The following MALRD1 variants were observed in gnomAD, a reference collection of about 807,000 sequenced individuals.
MALRD1 encodes the protein MAM and LDL receptor class A domain containing 1, also known as MAM and LDL-receptor class A domain-containing protein 1.
MALRD1 carries 247 observed loss-of-function variants against 242.1 expected under a neutral mutation model. That is an observed-to-expected ratio of 1.02 (90% confidence interval 0.92 to 1.13). The LOEUF (loss-of-function observed/expected upper bound fraction) is 1.13, where lower values mean the gene tolerates loss of function less well. MALRD1 is among the 50% of genes most tolerant of loss of function. The pLI, the probability that MALRD1 is intolerant of heterozygous loss-of-function variation, is 0.00. For synonymous variants in MALRD1, 995 were observed against 866.6 expected, an observed-to-expected ratio of 1.15 and a Z score of -2.60; for missense variants, 2,989 against 2,533.1, an observed-to-expected ratio of 1.18 and a Z score of -3.86.
intron 18 of MALRD1, among the ~76,000 whole-genome samples, chr10:19,239,129 G>T (rs1262161230): frequency 2.0e-5 from 3 of 151,614 alleles, no homozygotes; most frequent in African/African-American, 7.3e-5. Context: ...TGCAGTCGGG[G>T]CTCACGGCAA....
At chr10:19,413,647 T>A (rs1833375765) in intron 28 of MALRD1, among the ~76,000 whole-genome samples, 1 of 152,156 alleles carries the variant, frequency 6.6e-6, no homozygotes, top group Admixed American at 6.5e-5. Flanking sequence ...CTCTAGTTTC[T>A]CCTTGTTTTT....
At chr10:19,641,704 A>C (rs1202143343) in intron 36 of MALRD1, among the ~76,000 whole-genome samples, 3 of 152,186 alleles carry the variant, frequency 2.0e-5, no homozygotes, top group African/African-American at 7.2e-5. Flanking sequence ...TTTATAATAT[A>C]ATGTGAGCTT....
At chr10:19,358,195 AGTGT>A (rs776862926) in intron 26 of MALRD1, among the ~76,000 whole-genome samples, 90 of 145,678 alleles carry the variant, frequency 6.2e-4, no homozygotes, top group African/African-American at 1.5e-3. Flanking sequence ...GCAGGAGTCA[AGTGT>A]GTGTGTGTGT....
At chr10:19,672,606 T>C (rs1402380184) in intron 36 of MALRD1, among the ~76,000 whole-genome samples, 1 of 151,852 alleles carries the variant, frequency 6.6e-6, no homozygotes, top group African/African-American at 2.4e-5. Context: ...GTATTTTTAG[T>C]AGAGAAGGGG....
At chr10:19,373,328 C>A (rs1845470484) in intron 26 of MALRD1, among the ~76,000 whole-genome samples, 2 of 151,638 alleles carry the variant, frequency 1.3e-5, no homozygotes, top group Admixed American at 1.3e-4. Context: ...TGGTGAAACC[C>A]CGTCTCTACT....
At position 19,539,870 on chromosome 10, in the gene MALRD1, G is replaced by T. The variant is rs1482997093; in HGVS notation, c.5478+8519G>T. On this transcript the variant is annotated intron_variant, in intron 32 of 39. Transcript: ENST00000454679. Reference sequence around the variant, plus strand: ...CCCAGCTTTGTGCGTGTGTGTGTGTGTGTGTGTGTGTGTGTGTGTGTGTGT... The same window carrying T: ...CCCAGCTTTGTGCGTGTGTGTGTGTTTGTGTGTGTGTGTGTGTGTGTGTGT... Among the ~76,000 whole-genome samples, 318 of 77,238 alleles carry T rather than the reference G, an allele frequency of 4.1e-3. 6 individuals are homozygous for T. The highest frequency in any genetic ancestry group is 0.016 in the African/African-American group (302 of 19,478). 50.7% of individuals were successfully genotyped at this position (77,238 alleles called of 152,430 possible). A position where few individuals can be genotyped will look rare whatever the true frequency, so the allele number is the denominator to read the frequency against.
chr10:19,440,640 A>T, intron 28 of MALRD1, among the ~76,000 whole-genome samples: 1 of 152,112 alleles, frequency 6.6e-6, no homozygotes, highest in Non-Finnish European at 1.5e-5. Flanking sequence ...GATGGTTTCC[A>T]GCTTCATCCA....
intron 19 of MALRD1, among the ~76,000 whole-genome samples, chr10:19,279,087 G>A (rs530387151): frequency 5.0e-4 from 76 of 152,226 alleles, no homozygotes; most frequent in African/African-American, 1.5e-3. Context: ...TTGGCCAGTC[G>A]TCCATGCACA....
chr10:19,449,117 G>T (rs1283361177), intron 28 of MALRD1, among the ~76,000 whole-genome samples: 1 of 152,168 alleles, frequency 6.6e-6, no homozygotes, highest in Admixed American at 6.5e-5. Context: ...AATAATTTGT[G>T]TAAATGCAAG....
intron 12 of MALRD1, among the ~76,000 whole-genome samples, chr10:19,157,000 T>G (rs982023784): frequency 1.3e-5 from 2 of 152,174 alleles, no homozygotes; most frequent in African/African-American, 2.4e-5. Flanking sequence ...TTTGAAAAAC[T>G]GAGACTGTTT....
At chr10:19,204,227 G>A (rs1427566659) in intron 15 of MALRD1, 81 bp from the exon 16 acceptor site, 12 of 877,740 alleles carry the variant, frequency 1.4e-5, no homozygotes, top group African/African-American at 1.7e-5. Context: ...ATCTTGCTCA[G>A]TGTAGGGTTA....
intron 2 of MALRD1, among the ~76,000 whole-genome samples, chr10:19,085,411 T>A (rs10508574): frequency 6.6e-6 from 1 of 151,726 alleles, no homozygotes; most frequent in African/African-American, 2.4e-5. Flanking sequence ...AAAAAAATTG[T>A]GATTGTCACT....
chr10:19,486,232 G>A (rs1485298290), intron 29 of MALRD1, among the ~76,000 whole-genome samples: 2 of 152,098 alleles, frequency 1.3e-5, no homozygotes, highest in African/African-American at 4.8e-5. Flanking sequence ...ACCAAAAGAC[G>A]TAGTTTCTCC....
chr10:19,607,978 C>T (rs1838718748), intron 35 of MALRD1, 76 bp downstream of exon 35: 2 of 1,500,794 alleles, frequency 1.3e-6, no homozygotes, highest in Non-Finnish European at 1.8e-6. Flanking sequence ...AATATTAAAA[C>T]TTGAGGTTCT....
At chr10:19,233,816 T>C (rs1042561635) in intron 18 of MALRD1, among the ~76,000 whole-genome samples, 2 of 150,704 alleles carry the variant, frequency 1.3e-5, no homozygotes, top group Non-Finnish European at 3.0e-5. Flanking sequence ...CCAACATGTT[T>C]ATATTGAATT....
chr10:19,686,662 A>G (rs956167231), intron 36 of MALRD1, among the ~76,000 whole-genome samples: 2 of 152,092 alleles, frequency 1.3e-5, no homozygotes, highest in East Asian at 1.9e-4. Context: ...GTCACCTGGC[A>G]TTTCTGGTGG....
chr10:19,306,053 T>G (rs1281949519), intron 21 of MALRD1, among the ~76,000 whole-genome samples: 1 of 121,136 alleles, frequency 8.3e-6, no homozygotes, highest in African/African-American at 3.4e-5. Flanking sequence ...AGTATACAAT[T>G]TATTATACTA....
Position 19,088,791 on chromosome 10 carries a change from G to C in MALRD1, c.597+606G>C, listed in dbSNP as rs1168255486. Among the ~76,000 whole-genome samples, 95 of 68,734 alleles carry C rather than the reference G, an allele frequency of 1.4e-3. 4 individuals are homozygous for C. In the East Asian group the frequency reaches 0.033, roughly 24 times the overall value. The allele number at this position is 68,734 out of a possible 152,430, so 45.1% of individuals were successfully genotyped here. On this transcript the variant is annotated intron_variant, in intron 4 of 39. Coordinates refer to ENST00000454679, the MANE Select transcript of MALRD1 (RefSeq NM_001142308.3). The stretch of plus-strand genomic sequence containing the variant: ...GTGATATTCCCCTTCCTGTGTCCAT[G>C]TGATCTCATTGTTCAATTCCCACCT...
In MALRD1 at chr10:19,615,884, G is replaced by A. The variant is rs1423736208; in HGVS notation, c.6098G>A (p.Gly2033Asp). The A allele has an allele frequency of 1.3e-6, 2 of 1,531,712 alleles. No individual in the cohort carries two copies. Among genetic ancestry groups the A allele is most frequent in the African/African-American group, 1.4e-5 (1 of 72,774 alleles). The allele number at this position is 1,531,712 out of a possible 1,614,324, so 94.9% of individuals were successfully genotyped here. Residue 2033 changes from glycine to aspartate, a missense_variant, in exon 36 of 40, where the codon GGT (glycine) becomes GAT (aspartate). Gly to Asp is a moderately conservative substitution (Grantham distance 94). Transcript: ENST00000454679. Reference protein sequence around the residue: ...SECPLNYCRNGGTCVVEKNGP... With the variant: ...SECPLNYCRNDGTCVVEKNGP... ...TGTCCATTAAATTACTGCAGAAATG[G>A]TGGGACTTGTGTAGTGGAGAAAAAT...
Sources: allele counts gnomAD v4.1 joint callset (sites outside exome capture counted in the v4.1 genomes callset), GRCh38; gene constraint gnomAD v4.1.1; transcripts MANE v1.5; gene names NCBI Gene and HGNC (gene_info 2026-07-23, HGNC 2026-07-21).